The following ATP1A4 variants were observed in gnomAD, a reference collection of about 807,000 sequenced individuals.
The protein encoded by ATP1A4 is ATPase Na+/K+ transporting subunit alpha 4, also known as sodium/potassium-transporting ATPase subunit alpha-4.
A neutral mutation model predicts 114.3 loss-of-function variants in ATP1A4; 90 were observed. That is an observed-to-expected ratio of 0.79 (90% confidence interval 0.66 to 0.94). The LOEUF is 0.94. Ranked by LOEUF, ATP1A4 falls within the 40% of genes least tolerant of loss-of-function variation. The probability of loss-of-function intolerance (pLI) is 0.00; values close to 1 mark genes in which losing one functional copy is unlikely to be tolerated. For missense variants in ATP1A4, 1,222 were observed against 1,313.6 expected (o/e 0.93, Z 1.08); for synonymous variants, 511 against 494.1 (o/e 1.03, Z -0.45).
intron 20 of ATP1A4, chr1:160,183,401 TAC>T (rs1653776499): frequency 6.6e-6 from 1 of 152,374 alleles, no homozygotes; most frequent in South Asian, 2.1e-4. Flanking sequence ...ACACTCTGTG[TAC>T]ACATTAACCA....
In ATP1A4 at chr1:160,171,233, T is replaced by C; in HGVS notation, c.1492-18T>C. 1.2e-6 allele frequency: 2 copies of C among 1,603,064 alleles called. No individual in the cohort carries two copies. Among genetic ancestry groups the C allele is most frequent in the Admixed American group, 1.7e-5 (1 of 59,282 alleles). On this transcript the variant is annotated intron_variant, in intron 10 of 21. Transcript: ENST00000368081. Reference sequence around the variant, plus strand: ...GTCTCTCCTCCTGTCCCATCAGTGCTCCCTTTGCTCTCCCTAGATGTCCAT... The same window carrying C: ...GTCTCTCCTCCTGTCCCATCAGTGCCCCCTTTGCTCTCCCTAGATGTCCAT...
In ATP1A4 at chr1:160,186,734, G is replaced by C. The variant is rs370385068; in HGVS notation, c.*35G>C. The C allele has an allele frequency of 8.7e-6, 14 of 1,603,578 alleles. No individual in the cohort carries two copies. Among genetic ancestry groups the C allele is most frequent in the Non-Finnish European group, 1.2e-5 (14 of 1,174,066 alleles). ...ATGAAGAGCTTCATGTGACACAGGG[G>C]TGTTGTGAGAGCTGGGATGGGGCCA... On this transcript the variant is annotated 3_prime_UTR_variant, in exon 22 of 22. Transcript: ENST00000368081.
At position 160,173,600 on chromosome 1, in the gene ATP1A4, A is replaced by T. The variant is rs1653343382; in HGVS notation, c.1874A>T (p.Asp625Val). 1.9e-6 allele frequency: 3 copies of T among 1,614,134 alleles called. No homozygotes were observed. The highest frequency in any genetic ancestry group is 2.2e-5 in the South Asian group (2 of 91,080). ...ACCCAGGTGATCATGGTAACAGGAGATCATCCCATTACAGCTAAGGCCATT... is the reference window on the plus strand; with the variant it reads ...ACCCAGGTGATCATGGTAACAGGAGTTCATCCCATTACAGCTAAGGCCATT... ...AGIKVIMVTG[D>V]HPITAKAIAK... Residue 625 changes from aspartate to valine, a missense_variant, in exon 13 of 22, where the codon GAT becomes GTT. By Grantham distance (152) the Asp-to-Val change is radical. Coordinates refer to ENST00000368081, the MANE Select transcript of ATP1A4 (RefSeq NM_144699.4).
chr1:160,156,647 A>AAAAAT (rs1174569639), intron 4 of ATP1A4, among the ~76,000 whole-genome samples: 2 of 152,128 alleles, frequency 1.3e-5, no homozygotes, highest in Non-Finnish European at 2.9e-5. Context: ...CTATCTCTAC[A>AAAAAT]AAAATAAAAT....
At position 160,156,711 on chromosome 1, in the gene ATP1A4, C is replaced by T. The variant is rs185372411; in HGVS notation, c.525+553C>T. Among the ~76,000 whole-genome samples the T allele has an allele frequency of 2.2e-4, 33 of 152,208 alleles. No homozygotes were observed. The East Asian group carries it at 2.3e-3, about 11-fold the overall frequency. On this transcript the variant is annotated intron_variant, in intron 4 of 21. Transcript: ENST00000368081. Reference sequence around the variant, plus strand: ...GTCCAAGCTACACAGGCAGCTGAGACGGGAGGATTACTTGAACCCAGGAAT... The same window carrying T: ...GTCCAAGCTACACAGGCAGCTGAGATGGGAGGATTACTTGAACCCAGGAAT...
At chr1:160,153,059 G>T in intron 1 of ATP1A4, 106 bp from the exon 2 acceptor site, 2 of 885,132 alleles carry the variant, frequency 2.3e-6, no homozygotes, top group Non-Finnish European at 3.7e-6. Flanking sequence ...CTTACAAAAT[G>T]GAGCAGTCTC....
chr1:160,152,294 T>C (rs1352926715), intron 1 of ATP1A4, 107 bp downstream of exon 1: 6 of 1,269,294 alleles, frequency 4.7e-6, no homozygotes, highest in Admixed American at 2.8e-5. Context: ...GAGCCACATC[T>C]CTTCTCTGTT....
intron 18 of ATP1A4, among the ~76,000 whole-genome samples, chr1:160,179,845 G>A (rs994341980): frequency 3.3e-5 from 5 of 152,192 alleles, no homozygotes; most frequent in African/African-American, 1.2e-4. Context: ...GATATTGTAA[G>A]TCCAAGGGGG....
At position 160,174,149 on chromosome 1, in the gene ATP1A4, A is replaced by G. The variant is rs756856761; in HGVS notation, c.2030A>G (p.Lys677Arg). ...KAIVVHGAEL[K>R]DIQSKQLDQI... is the part of the protein sequence containing the mutation. Reference sequence around the variant, plus strand: ...ATTGTGGTGCATGGTGCAGAACTGAAGGACATACAGTCCAAGCAGCTTGAT... The same window carrying G: ...ATTGTGGTGCATGGTGCAGAACTGAGGGACATACAGTCCAAGCAGCTTGAT... Residue 677 changes from lysine (K) to arginine (R), a missense_variant, in exon 14 of 22, where the codon AAG becomes AGG. Lys to Arg is a conservative substitution (Grantham distance 26). Coordinates refer to ENST00000368081, the MANE Select transcript of ATP1A4 (RefSeq NM_144699.4). 6.2e-7 allele frequency: 1 copy of G among 1,614,176 alleles called. No homozygotes were observed. Among genetic ancestry groups the G allele is most frequent in the Non-Finnish European group, 8.5e-7 (1 of 1,180,034 alleles).
Position 160,155,234 on chromosome 1 carries a change from C to T in ATP1A4, c.397C>T (p.Pro133Ser). ...CATCCAGATATATTTCAATGAGGAG[C>T]CTACCAAAGACAACGTGAGTCTCTT... is the stretch of plus-strand genomic sequence containing the variant. ...YSIQIYFNEEPTKDNLYLSIV... is the reference protein window; with the variant it reads ...YSIQIYFNEESTKDNLYLSIV... Residue 133 changes from proline to serine, a missense_variant, in exon 3 of 22, where the codon CCT becomes TCT. Pro to Ser is a moderately conservative substitution (Grantham distance 74, BLOSUM62 -1). Transcript: ENST00000368081. The T allele has an allele frequency of 6.2e-7, 1 of 1,613,278 alleles. No individual in the cohort carries two copies. Among genetic ancestry groups the T allele is most frequent in the East Asian group, 2.2e-5 (1 of 44,864 alleles).
At chr1:160,158,634 C>A (rs577887232) in intron 4 of ATP1A4, among the ~76,000 whole-genome samples, 1 of 152,276 alleles carries the variant, frequency 6.6e-6, no homozygotes, top group Admixed American at 6.5e-5. Flanking sequence ...CCCACCTCGG[C>A]CTCCCAGTGT....
At chr1:160,177,468 G>A in intron 17 of ATP1A4, 51 bp from the exon 18 acceptor site, 2 of 1,600,180 alleles carry the variant, frequency 1.2e-6, no homozygotes, top group African/African-American at 2.7e-5. Flanking sequence ...CTACCTTTTG[G>A]GGCCCTTCTC....
Position 160,174,583 on chromosome 1 carries a change from C to A in ATP1A4, c.2147C>A (p.Ala716Asp). 1 of 1,613,040 alleles carries A rather than the reference C, an allele frequency of 6.2e-7. No individual in the cohort carries two copies. The highest frequency in any genetic ancestry group is 1.1e-5 in the South Asian group (1 of 91,014). ...IIVEGCQRLG[A>D]VVAVTGDGVN... ...TCTCTGTCTGGACTTCCTCAGGGAG[C>A]CGTTGTGGCCGTGACAGGTGACGGG... The change falls in exon 15 of 22, where the codon GCC becomes GAC. Residue 716 changes from alanine (A) to aspartate (D), a missense_variant. By Grantham distance (126) the Ala-to-Asp change is moderately radical. Transcript: ENST00000368081.
In ATP1A4 at chr1:160,186,793, T is replaced by A; in HGVS notation, c.*94T>A. The A allele has an allele frequency of 7.6e-7, 1 of 1,322,794 alleles. No individual in the cohort carries two copies. The highest frequency in any genetic ancestry group is 1.1e-6 in the Non-Finnish European group (1 of 937,272). 81.9% of individuals were successfully genotyped at this position (1,322,794 alleles called of 1,614,324 possible). A position where few individuals can be genotyped will look rare whatever the true frequency, so the allele number is the denominator to read the frequency against. ...AAGTTTGACACAACATCTGAGACAC[T>A]AGGATGAATTATCTTGGATGAGAAA... On this transcript the variant is annotated 3_prime_UTR_variant, in exon 22 of 22. Coordinates refer to ENST00000368081, the MANE Select transcript of ATP1A4 (RefSeq NM_144699.4).
At chr1:160,181,657 T>G (rs79872723) in intron 18 of ATP1A4, 27 bp from the exon 19 acceptor site, 1 of 1,613,146 alleles carries the variant, frequency 6.2e-7, no homozygotes, top group South Asian at 1.1e-5. Context: ...CTTCTGACAC[T>G]GTTTCCTCTC....
In ATP1A4 at chr1:160,155,126, T is replaced by C; in HGVS notation, c.289T>C (p.Trp97Arg). ...TACCCCACCCCCCACCACTCCAGAATGGGTCAAATTCTGTAAGCAACTGTT... is the reference window on the plus strand; with the variant it reads ...TACCCCACCCCCCACCACTCCAGAACGGGTCAAATTCTGTAAGCAACTGTT... ...TVTPPPTTPE[W>R]VKFCKQLFGG... Residue 97 changes from tryptophan (W) to arginine (R), a missense_variant, in exon 3 of 22, where the codon TGG becomes CGG. Transcript: ENST00000368081. 1 of 1,429,858 alleles carries C rather than the reference T, an allele frequency of 7.0e-7. No individual in the cohort carries two copies. The highest frequency in any genetic ancestry group is 1.1e-5 in the South Asian group (1 of 87,676). 88.6% of individuals were successfully genotyped at this position (1,429,858 alleles called of 1,614,324 possible).
intron 20 of ATP1A4, among the ~76,000 whole-genome samples, 190 bp from the exon 21 acceptor site, chr1:160,186,086 C>CAATAAAAAAAAAAA (rs1653878673): frequency 3.0e-5 from 1 of 32,790 alleles, no homozygotes. Flanking sequence ...GACTCTGTCG[C>CAATAAAAAAAAAAA]AAAAAAAAAA....
At position 160,186,940 on chromosome 1, in the gene ATP1A4, T is replaced by C; in HGVS notation, c.*241T>C. On this transcript the variant is annotated 3_prime_UTR_variant, in exon 22 of 22. Coordinates refer to ENST00000368081, the MANE Select transcript of ATP1A4 (RefSeq NM_144699.4). Reference sequence around the variant, plus strand: ...AGGGGCATGGTCCTGCTGAATCCCGTAGCCAGTCTAGACAGTAAATGTCTG... The same window carrying C: ...AGGGGCATGGTCCTGCTGAATCCCGCAGCCAGTCTAGACAGTAAATGTCTG... 1.8e-6 allele frequency: 1 copy of C among 568,662 alleles called. No individual in the cohort carries two copies. The highest frequency in any genetic ancestry group is 2.0e-5 in the South Asian group (1 of 50,670). 35.2% of individuals were successfully genotyped at this position (568,662 alleles called of 1,614,324 possible).
chr1:160,180,956 T>C (rs144617565), intron 18 of ATP1A4, among the ~76,000 whole-genome samples: 7,025 of 151,888 alleles, frequency 0.046, 175 homozygotes, highest in East Asian at 0.084. Flanking sequence ...CCTCGTGATC[T>C]GCCCACCTCG....
Sources: gnomAD v4.1 joint callset for allele counts (sites outside exome capture counted in the v4.1 genomes callset) on GRCh38, gnomAD v4.1.1 for gene constraint, MANE v1.5 for transcripts, NCBI Gene and HGNC (gene_info 2026-07-23, HGNC 2026-07-21) for gene names.